The following INVS variants were observed in gnomAD, a reference collection of about 807,000 sequenced individuals.
The protein encoded by INVS is inversion of embryo turning homolog.
Under a neutral mutation model 108.8 loss-of-function variants are expected in INVS, and 86 were observed. That is an observed-to-expected ratio of 0.79 (90% CI 0.66 to 0.95). The LOEUF is 0.95. Among genes scored for constraint, INVS ranks in the 40% least tolerant of loss-of-function variants. INVS has a pLI of 0.00. For missense variants in INVS, 1,169 were observed against 1,297.4 expected (o/e 0.90, Z 1.52); for synonymous variants, 455 against 473.5 (o/e 0.96, Z 0.51).
intron 7 of INVS, among the ~76,000 whole-genome samples, chr9:100,244,719 G>A (rs1379001501): frequency 2.6e-5 from 4 of 152,088 alleles, no homozygotes; most frequent in Non-Finnish European, 4.4e-5. Context: ...ATTACAACTC[G>A]TTCCTTGAAA....
chr9:100,222,781 G>C (rs1351777019), intron 3 of INVS, among the ~76,000 whole-genome samples: 1 of 150,734 alleles, frequency 6.6e-6, no homozygotes, highest in East Asian at 1.9e-4. Context: ...TTATTTTTCG[G>C]TATGAAGTGT....
At chr9:100,203,909 T>C (rs1358968133) in intron 3 of INVS, among the ~76,000 whole-genome samples, 1 of 152,164 alleles carries the variant, frequency 6.6e-6, no homozygotes, top group Non-Finnish European at 1.5e-5. Context: ...ATAAGCATTC[T>C]AGAAGCTCTG....
intron 3 of INVS, among the ~76,000 whole-genome samples, chr9:100,165,061 A>G (rs1191978562): frequency 6.6e-6 from 1 of 151,998 alleles, no homozygotes; most frequent in Non-Finnish European, 1.5e-5. Context: ...TGTTGGATCT[A>G]AAGACTTGAT....
At chr9:100,282,820 G>C (rs1378285066) in intron 12 of INVS, among the ~76,000 whole-genome samples, 1 of 152,170 alleles carries the variant, frequency 6.6e-6, no homozygotes, top group East Asian at 1.9e-4. Flanking sequence ...GTGGTATAGT[G>C]AACAGTCCAT....
rs145149972 is a variant in INVS at position 100,100,001 on chromosome 9, C to T, written c.-25+585C>T. Among the ~76,000 whole-genome samples the T allele has an allele frequency of 4.8e-3, 737 of 152,216 alleles. 5 individuals carry two copies. The highest frequency in any genetic ancestry group is 0.014 in the Middle Eastern group (4 of 294). Reference sequence around the variant, plus strand: ...AATGTCACCATCTCTGAGAACTTCCCGAACAACCAACCCTTTAGTCCTAAT... The same window carrying T: ...AATGTCACCATCTCTGAGAACTTCCTGAACAACCAACCCTTTAGTCCTAAT... On this transcript the variant is annotated intron_variant, in intron 1 of 16. Coordinates refer to ENST00000262457, the MANE Select transcript of INVS (RefSeq NM_014425.5).
intron 3 of INVS, among the ~76,000 whole-genome samples, chr9:100,127,322 C>T (rs1479878071): frequency 1.3e-5 from 2 of 151,988 alleles, no homozygotes; most frequent in African/African-American, 4.8e-5. Context: ...AAATCTAAAA[C>T]TATGTTGCCA....
intron 12 of INVS, among the ~76,000 whole-genome samples, chr9:100,276,089 A>C (rs1353939962): frequency 2.0e-5 from 3 of 152,192 alleles, no homozygotes; most frequent in African/African-American, 4.8e-5. Flanking sequence ...CACTGCAGTC[A>C]GCCTTGAAGG....
At chr9:100,271,699 T>A (rs1588137303) in intron 11 of INVS, among the ~76,000 whole-genome samples, 1 of 152,348 alleles carries the variant, frequency 6.6e-6, no homozygotes, top group Admixed American at 6.5e-5. Context: ...TCTCTCATGT[T>A]AGTCTAATTC....
chr9:100,150,659 T>C (rs992482563), intron 3 of INVS, among the ~76,000 whole-genome samples: 8 of 152,220 alleles, frequency 5.3e-5, no homozygotes, highest in African/African-American at 9.6e-5. Flanking sequence ...TATTTGTTTA[T>C]GTAATTTCCT....
At chr9:100,195,465 C>T (rs1233608982) in intron 3 of INVS, among the ~76,000 whole-genome samples, 1 of 151,580 alleles carries the variant, frequency 6.6e-6, no homozygotes, top group Non-Finnish European at 1.5e-5. Flanking sequence ...TACAGGCACA[C>T]ACCCCACCAC....
At chr9:100,299,259 AAC>A (rs1325097172) in intron 16 of INVS, among the ~76,000 whole-genome samples, 1 of 152,178 alleles carries the variant, frequency 6.6e-6, no homozygotes, top group Non-Finnish European at 1.5e-5. Flanking sequence ...AATTTAGGAG[AAC>A]ACACAGTTTT....
At chr9:100,227,203 T>C (rs1831355335) in intron 4 of INVS, among the ~76,000 whole-genome samples, 1 of 152,244 alleles carries the variant, frequency 6.6e-6, no homozygotes, top group African/African-American at 2.4e-5. Flanking sequence ...TATAGGTAAT[T>C]AGTAAGTGCT....
chr9:100,192,416 A>G (rs1455513246), intron 3 of INVS, among the ~76,000 whole-genome samples: 1 of 152,198 alleles, frequency 6.6e-6, no homozygotes, highest in African/African-American at 2.4e-5. Context: ...TGTTGCACAA[A>G]TATATCATAA....
chr9:100,296,992 G>T lies in INVS; in HGVS notation c.2862G>T (p.Arg954Ser). ...QLGAGDVDRW[R>S]QESTALLLQV... ...GAGCTGGAGATGTGGACAGATGGAG[G>T]CAAGAGTCTACAGCATTGCTCCTCC... Residue 954 changes from arginine to serine, a missense_variant, in exon 15 of 17, where the codon AGG (arginine) becomes AGT (serine). This residue lies in a region of INVS where 533 missense variants were observed against 536.0 expected (regional missense o/e 0.99). Transcript: ENST00000262457. 1 of 1,614,082 alleles carries T rather than the reference G, an allele frequency of 6.2e-7. No homozygotes were observed. Among genetic ancestry groups the T allele is most frequent in the Non-Finnish European group, 8.5e-7 (1 of 1,180,000 alleles).
intron 11 of INVS, among the ~76,000 whole-genome samples, chr9:100,266,670 C>T (rs894487992): frequency 1.3e-5 from 2 of 152,136 alleles, no homozygotes; most frequent in African/African-American, 4.8e-5. Flanking sequence ...CTTAGAATGC[C>T]TTAACCTTCT....
chr9:100,254,827 G>A (rs1423683223), intron 10 of INVS, among the ~76,000 whole-genome samples: 1 of 152,164 alleles, frequency 6.6e-6, no homozygotes, highest in Non-Finnish European at 1.5e-5. Context: ...TAGCCTTATA[G>A]TACAGTTTGA....
intron 3 of INVS, among the ~76,000 whole-genome samples, chr9:100,209,884 G>A (rs1171146007): frequency 6.6e-6 from 1 of 151,808 alleles, no homozygotes; most frequent in Admixed American, 6.6e-5. Flanking sequence ...CTTATCTTTT[G>A]GGCTTCAGTG....
At chr9:100,277,323 T>C (rs1004723970) in intron 12 of INVS, among the ~76,000 whole-genome samples, 11 of 152,242 alleles carry the variant, frequency 7.2e-5, no homozygotes, top group Non-Finnish European at 1.6e-4. Flanking sequence ...AATTAGTCAA[T>C]GCTCCCGTGA....
chr9:100,196,994 A>G (rs956005413), intron 3 of INVS, among the ~76,000 whole-genome samples: 2 of 152,154 alleles, frequency 1.3e-5, no homozygotes, highest in Admixed American at 1.3e-4. Flanking sequence ...TCTGTAGCAG[A>G]CACCCAGCTG....
Sources: allele counts gnomAD v4.1 joint callset (sites outside exome capture counted in the v4.1 genomes callset), GRCh38; gene constraint gnomAD v4.1.1; regional missense constraint gnomAD v4.1.1; transcripts MANE v1.5; gene names NCBI Gene and HGNC (gene_info 2026-07-23, HGNC 2026-07-21).